The following TBC1D19 variants were observed in gnomAD, a reference collection of about 807,000 sequenced individuals.
TBC1D19 encodes TBC1 domain family, member 19.
A neutral mutation model predicts 89.0 loss-of-function variants in TBC1D19; 60 were observed. That is an observed-to-expected ratio of 0.67 (90% confidence interval 0.55 to 0.84). The LOEUF (loss-of-function observed/expected upper bound fraction) is 0.84. Among genes scored for constraint, TBC1D19 ranks in the 40% least tolerant of loss-of-function variants. TBC1D19 has a pLI of 0.00. For synonymous variants in TBC1D19, 189 were observed against 199.7 expected (o/e 0.95, Z 0.45); for missense variants, 500 against 610.8 (o/e 0.82, Z 1.91).
At chr4:26,854,389 A>G in the TBC1D19 span, among the ~76,000 whole-genome samples, 4 of 152,234 alleles carry the variant, frequency 2.6e-5, no homozygotes, top group Non-Finnish European at 5.9e-5. Flanking sequence ...TATTTGATGT[A>G]TGAACACAAA....
intron 7 of TBC1D19, among the ~76,000 whole-genome samples, chr4:26,642,228 C>T (rs1743594462): frequency 6.6e-6 from 1 of 152,204 alleles, no homozygotes; most frequent in South Asian, 2.1e-4. Context: ...AACAGCAGAT[C>T]TCTCAGCAAA....
At chr4:26,593,130 C>G (rs1025288964) in intron 1 of TBC1D19, among the ~76,000 whole-genome samples, 26 of 152,126 alleles carry the variant, frequency 1.7e-4, no homozygotes, top group Non-Finnish European at 3.7e-4. Flanking sequence ...GGTACTGGTA[C>G]CAAAACAGAG....
the TBC1D19 span, among the ~76,000 whole-genome samples, chr4:26,780,581 A>G: frequency 2.0e-5 from 3 of 152,214 alleles, no homozygotes; most frequent in Non-Finnish European, 4.4e-5. Context: ...CAAACTGCCC[A>G]AGACCAGTGT....
the TBC1D19 span, among the ~76,000 whole-genome samples, chr4:26,849,780 T>C: frequency 6.6e-6 from 1 of 152,236 alleles, no homozygotes; most frequent in Non-Finnish European, 1.5e-5. Flanking sequence ...ATCCATATTA[T>C]GCCAACTTTA....
At chr4:26,831,961 T>C in the TBC1D19 span, among the ~76,000 whole-genome samples, 116 of 152,318 alleles carry the variant, frequency 7.6e-4, no homozygotes, top group African/African-American at 2.7e-3. Flanking sequence ...TCTGCCATGT[T>C]CATGATGTGT....
intron 13 of TBC1D19, among the ~76,000 whole-genome samples, chr4:26,696,337 A>G (rs1714778651): frequency 6.6e-6 from 1 of 152,230 alleles, no homozygotes; most frequent in African/African-American, 2.4e-5. Flanking sequence ...CACCCGATAC[A>G]GGACACCCAG....
the TBC1D19 span, among the ~76,000 whole-genome samples, chr4:26,818,448 G>T: frequency 2.0e-5 from 3 of 152,186 alleles, no homozygotes; most frequent in South Asian, 2.1e-4. Flanking sequence ...AGAAGGGAAG[G>T]TCTCACCATG....
chr4:26,831,656 T>C, the TBC1D19 span, among the ~76,000 whole-genome samples: 11 of 151,278 alleles, frequency 7.3e-5, no homozygotes, highest in African/African-American at 2.2e-4. Context: ...GATTTTGGCT[T>C]ACTGCAAGCT....
rs534754849 is a variant in TBC1D19 at position 26,614,255 on chromosome 4, C to T, written c.173-153C>T. On this transcript the variant is annotated intron_variant, in intron 2 of 20. Transcript: ENST00000264866. ...ATATGGTAAGTGTATAGGAAATAAT[C>T]TTTAATAACGCTTTACATAGGGATT... Among the ~76,000 whole-genome samples the T allele has an allele frequency of 4.6e-5, 7 of 152,294 alleles. No individual in the cohort carries two copies. In the East Asian group the frequency reaches 1.3e-3, roughly 29 times the overall value.
intron 18 of TBC1D19, among the ~76,000 whole-genome samples, chr4:26,743,329 G>A (rs1273617548): frequency 6.6e-6 from 1 of 152,110 alleles, no homozygotes; most frequent in Non-Finnish European, 1.5e-5. Flanking sequence ...AGATAGAATA[G>A]TATAGCATTT....
intron 1 of TBC1D19, among the ~76,000 whole-genome samples, chr4:26,593,377 A>C (rs2109958086): frequency 1.3e-5 from 2 of 152,376 alleles, no homozygotes; most frequent in Middle Eastern, 6.8e-3. Context: ...ACCTAAAAGC[A>C]TAAAAACCCT....
downstream of TBC1D19, among the ~76,000 whole-genome samples, chr4:26,759,841 T>C (rs916379701): frequency 1.3e-5 from 2 of 152,206 alleles, no homozygotes; most frequent in African/African-American, 2.4e-5. Flanking sequence ...TATTTCACAA[T>C]TTTTTTATTT....
intron 13 of TBC1D19, among the ~76,000 whole-genome samples, chr4:26,693,118 T>C (rs1053380179): frequency 1.5e-5 from 1 of 67,428 alleles, no homozygotes; most frequent in Admixed American, 2.4e-4. Context: ...AGAGCAAGAC[T>C]GTCTTAAAAA....
intron 13 of TBC1D19, 69 bp from the exon 14 acceptor site, chr4:26,717,864 A>G (rs1425860766): frequency 7.0e-6 from 9 of 1,292,616 alleles, no homozygotes; most frequent in South Asian, 3.7e-5. Flanking sequence ...CCTCCTGAGT[A>G]GGAAATAATG....
At chr4:26,824,154 T>C in the TBC1D19 span, among the ~76,000 whole-genome samples, 2 of 152,210 alleles carry the variant, frequency 1.3e-5, no homozygotes, top group Admixed American at 1.3e-4. Context: ...TTTGTGGACA[T>C]GTTTGCCACC....
chr4:26,749,593 C>T (rs935777569), intron 19 of TBC1D19, among the ~76,000 whole-genome samples: 1 of 151,882 alleles, frequency 6.6e-6, no homozygotes, highest in Non-Finnish European at 1.5e-5. Flanking sequence ...ATTACAGGCG[C>T]CTGCCACCAC....
intron 13 of TBC1D19, among the ~76,000 whole-genome samples, chr4:26,707,951 A>G (rs896867333): frequency 2.0e-5 from 3 of 152,122 alleles, no homozygotes; most frequent in African/African-American, 7.2e-5. Flanking sequence ...CCAAAGTTAC[A>G]ATAATACTGA....
intron 4 of TBC1D19, among the ~76,000 whole-genome samples, chr4:26,624,716 T>G (rs1482113134): frequency 6.6e-6 from 1 of 152,154 alleles, no homozygotes; most frequent in Non-Finnish European, 1.5e-5. Flanking sequence ...TTAAGGATAT[T>G]TACTGAATAC....
At chr4:26,808,955 A>T in the TBC1D19 span, among the ~76,000 whole-genome samples, 177 of 152,302 alleles carry the variant, frequency 1.2e-3, no homozygotes, top group African/African-American at 4.0e-3. Context: ...ATAAGATTTG[A>T]ACTCTTGGCT....
Sources: allele counts gnomAD v4.1 joint callset (sites outside exome capture counted in the v4.1 genomes callset), GRCh38; gene constraint gnomAD v4.1.1; transcripts MANE v1.5; gene names NCBI Gene and HGNC (gene_info 2026-07-23, HGNC 2026-07-21).